Variants in ITGB3 observed in about 807,000 individuals in gnomAD.
ITGB3 encodes the protein integrin subunit beta 3.
Under a neutral mutation model 85.8 loss-of-function variants are expected in ITGB3, and 48 were observed. That is an observed-to-expected ratio of 0.56 (90% CI 0.44 to 0.71). The LOEUF (loss-of-function observed/expected upper bound fraction) is 0.71. ITGB3 is among the 30% of genes least tolerant of loss of function. The probability of loss-of-function intolerance (pLI) is 0.00; values close to 1 mark genes in which losing one functional copy is unlikely to be tolerated. For synonymous variants in ITGB3, 363 were observed against 395.6 expected (o/e 0.92, Z 0.98); for missense variants, 861 against 1,019.1 (o/e 0.84, Z 2.11).
intron 1 of ITGB3, chr17:47,259,373 A>G (rs1040387774): frequency 5.3e-5 from 8 of 151,408 alleles, no homozygotes; most frequent in East Asian, 1.9e-4. Flanking sequence ...CTTTTTGGCC[A>G]AAACCAGAAA....
At chr17:47,279,388 T>C (rs932076156) in intron 2 of ITGB3, 2 of 152,258 alleles carry the variant, frequency 1.3e-5, no homozygotes, top group African/African-American at 2.4e-5. Flanking sequence ...AAAGGGAATG[T>C]TGCCCAAGTA....
chr17:47,283,328 C>T lies in ITGB3; in HGVS notation c.166-26C>T, dbSNP rs72547407. ...AGTCGCCATAGCTCTGATTGCTGGA[C>T]TTCTCTTTGGGCTCCTGTCTTACAG... On this transcript the variant is annotated intron_variant, in intron 2 of 14. Coordinates refer to ENST00000559488, the MANE Select transcript of ITGB3 (RefSeq NM_000212.3). The T allele has an allele frequency of 3.0e-5, 48 of 1,613,064 alleles. No homozygotes were observed. In the South Asian group the frequency reaches 4.8e-4, roughly 16 times the overall value.
chr17:47,272,716 TTTCTTTCTTTCG>T (rs1452444174), intron 1 of ITGB3, among the ~76,000 whole-genome samples: 8 of 144,692 alleles, frequency 5.5e-5, no homozygotes, highest in African/African-American at 2.1e-4. Flanking sequence ...TCTTTCTTTC[TTTCTTTCTTTCG>T]TTCTTTCTTT....
chr17:47,298,829 T>C (rs1222532793), intron 10 of ITGB3, among the ~76,000 whole-genome samples: 1 of 152,206 alleles, frequency 6.6e-6, no homozygotes, highest in Non-Finnish European at 1.5e-5. Flanking sequence ...TTTTGGGGCC[T>C]GTGAGGCCTT....
At position 47,253,875 on chromosome 17, in the gene ITGB3, C is replaced by G. The variant is rs897126842; in HGVS notation, c.14C>G (p.Pro5Arg). Residue 5 changes from proline to arginine, a missense_variant, in exon 1 of 15, where the codon CCG (proline) becomes CGG (arginine). Physicochemically the swap from Pro to Arg is moderately radical, Grantham distance 103. Transcript: ENST00000559488. MRAR[P>R]RPRPLWATVL... The stretch of plus-strand genomic sequence containing the variant: ...GAGGCGGACGAGATGCGAGCGCGGC[C>G]GCGGCCCCGGCCGCTCTGGGCGACT... The G allele has an allele frequency of 1.6e-5, 20 of 1,251,010 alleles. 1 individual carries two copies. The highest frequency in any genetic ancestry group is 8.2e-5 in the Admixed American group (2 of 24,368). The allele number at this position is 1,251,010 out of a possible 1,614,324, so 77.5% of individuals were successfully genotyped here.
intron 10 of ITGB3, among the ~76,000 whole-genome samples, chr17:47,297,592 G>A (rs2065150491): frequency 6.6e-6 from 1 of 151,942 alleles, no homozygotes; most frequent in South Asian, 2.1e-4. Context: ...GGAGGTGGGG[G>A]TTTACAGTGA....
intron 1 of ITGB3, among the ~76,000 whole-genome samples, chr17:47,263,585 G>A (rs543763390): frequency 6.8e-6 from 1 of 146,754 alleles, no homozygotes; most frequent in South Asian, 2.2e-4. Context: ...CGCCTCCCAT[G>A]TTCAAGCAAT....
chr17:47,265,423 A>T (rs1181908485), intron 1 of ITGB3, among the ~76,000 whole-genome samples: 1 of 152,156 alleles, frequency 6.6e-6, no homozygotes, highest in African/African-American at 2.4e-5. Flanking sequence ...TCTGGGTAGA[A>T]TCCTTCCTCC....
At chr17:47,257,405 C>A (rs2064994297) in intron 1 of ITGB3, among the ~76,000 whole-genome samples, 1 of 152,140 alleles carries the variant, frequency 6.6e-6, no homozygotes, top group Admixed American at 6.5e-5. Context: ...AAACCTCAAG[C>A]CCTGTATCTG....
chr17:47,277,300 C>T (rs967286238), intron 2 of ITGB3, among the ~76,000 whole-genome samples: 3 of 152,098 alleles, frequency 2.0e-5, no homozygotes, highest in Non-Finnish European at 2.9e-5. Flanking sequence ...TAAAGCTTCC[C>T]GGGATGGATC....
chr17:47,276,930 G>A (rs2065066006), intron 2 of ITGB3, among the ~76,000 whole-genome samples: 1 of 152,088 alleles, frequency 6.6e-6, no homozygotes, highest in Non-Finnish European at 1.5e-5. Flanking sequence ...CCCCTGAGTT[G>A]GCTGTTCCAG....
chr17:47,308,989 C>G (rs1184424996), intron 14 of ITGB3, among the ~76,000 whole-genome samples: 1 of 112,772 alleles, frequency 8.9e-6, no homozygotes, highest in Non-Finnish European at 1.7e-5. Flanking sequence ...CTTCCTTTTA[C>G]GCTTCCTCCC....
At chr17:47,276,335 G>T (rs2065063943) in intron 2 of ITGB3, among the ~76,000 whole-genome samples, 1 of 152,184 alleles carries the variant, frequency 6.6e-6, no homozygotes, top group South Asian at 2.1e-4. Flanking sequence ...ACCAGACAAA[G>T]CCCTTAGGTC....
intron 10 of ITGB3, among the ~76,000 whole-genome samples, chr17:47,298,986 C>G (rs924307954): frequency 1.3e-5 from 2 of 152,226 alleles, no homozygotes; most frequent in Non-Finnish European, 2.9e-5. Context: ...TTCTAAGCCT[C>G]CTACCCTTTC....
intron 12 of ITGB3, among the ~76,000 whole-genome samples, chr17:47,302,246 A>G (rs577304612): frequency 1.3e-5 from 2 of 152,230 alleles, no homozygotes; most frequent in South Asian, 2.1e-4. Flanking sequence ...TAAGCAAACT[A>G]TTAAGAATCA....
chr17:47,290,809 C>T (rs534747487), intron 8 of ITGB3, 145 bp from the exon 9 acceptor site: 25 of 903,430 alleles, frequency 2.8e-5, no homozygotes, highest in Non-Finnish European at 4.6e-5. Context: ...GCTCCGGCAG[C>T]TTCCAGGTCA....
At chr17:47,310,085 G>T (rs2065207377) in intron 14 of ITGB3, 54 bp from the exon 15 acceptor site, 1 of 1,475,828 alleles carries the variant, frequency 6.8e-7, no homozygotes. Flanking sequence ...AACATTCAGG[G>T]TAGGGAAGGA....
chr17:47,284,778 T>C, intron 4 of ITGB3, 83 bp downstream of exon 4: 1 of 1,574,226 alleles, frequency 6.4e-7, no homozygotes, highest in Admixed American at 1.7e-5. Context: ...AGCTCTAGGA[T>C]CACTTTGTTG....
chr17:47,270,745 T>C (rs986168495), intron 1 of ITGB3, among the ~76,000 whole-genome samples: 4 of 152,150 alleles, frequency 2.6e-5, no homozygotes, highest in South Asian at 2.1e-4. Flanking sequence ...ATCCCACTTG[T>C]AGAATTTTAA....
Sources: gnomAD v4.1 joint callset for allele counts (sites outside exome capture counted in the v4.1 genomes callset) on GRCh38, gnomAD v4.1.1 for gene constraint, MANE v1.5 for transcripts, NCBI Gene and HGNC (gene_info 2026-07-23, HGNC 2026-07-21) for gene names.